Variants in SLC2A10 observed in about 807,000 individuals in gnomAD.
SLC2A10 encodes the protein solute carrier family 2 member 10.
SLC2A10 carries 25 observed loss-of-function variants against 32.1 expected under a neutral mutation model. The observed-to-expected ratio is 0.78, with a 90% CI of 0.57 to 1.09. The LOEUF (loss-of-function observed/expected upper bound fraction) is 1.09, where lower values mean the gene tolerates loss of function less well. Among genes scored for constraint, SLC2A10 ranks in the 50% least tolerant of loss-of-function variants. SLC2A10 has a pLI of 0.00. For missense variants in SLC2A10, 673 were observed against 686.5 expected, an observed-to-expected ratio of 0.98 and a Z score of 0.22; for synonymous variants, 332 against 309.6, an observed-to-expected ratio of 1.07 and a Z score of -0.76.
chr20:46,721,292 G>A (rs1020847845), intron 1 of SLC2A10, among the ~76,000 whole-genome samples: 1 of 152,128 alleles, frequency 6.6e-6, no homozygotes, highest in Non-Finnish European at 1.5e-5. Context: ...CCCAAAAAGG[G>A]CAAGTGACTG....
rs1979941726 is a variant in SLC2A10 at position 46,726,212 on chromosome 20, C to T, written c.1176C>T (p.Ser392=). The T allele has an allele frequency of 6.2e-7, 1 of 1,614,108 alleles. No individual in the cohort carries two copies. Among genetic ancestry groups the T allele is most frequent in the Non-Finnish European group, 8.5e-7 (1 of 1,180,046 alleles). The change falls in exon 2 of 5, where the codon AGC becomes AGT. Residue 392 remains serine, a synonymous_variant. Transcript: ENST00000359271. ...DPSAPPRLAL[S]SALPGPPLPA... ...CAGCCCCTCCTCGGCTGGCCCTGAG[C>T]TCTGCCCTCCCTGGGCCCCCTCTGC...
chr20:46,728,460 G>A (rs112555603), intron 3 of SLC2A10, among the ~76,000 whole-genome samples: 22 of 152,208 alleles, frequency 1.4e-4, no homozygotes, highest in South Asian at 8.3e-4. Flanking sequence ...GAGACCCACC[G>A]GAGGCTCTAG....
chr20:46,725,153 C>G lies in SLC2A10; in HGVS notation c.117C>G (p.Asp39Glu). 6.2e-7 allele frequency: 1 copy of G among 1,614,196 alleles called. No homozygotes were observed. The highest frequency in any genetic ancestry group is 8.5e-7 in the Non-Finnish European group (1 of 1,180,034). Reference protein sequence around the residue: ...ISGALLPLQLDFGLSCLEQEF... With the variant: ...ISGALLPLQLEFGLSCLEQEF... ...GTGCCCTGCTGCCACTGCAGCTTGA[C>G]TTTGGGCTAAGCTGCTTGGAGCAGG... Residue 39 changes from aspartate (D) to glutamate (E), a missense_variant, in exon 2 of 5, where the codon GAC (aspartate) becomes GAG (glutamate). Coordinates refer to ENST00000359271, the MANE Select transcript of SLC2A10 (RefSeq NM_030777.4).
intron 3 of SLC2A10, among the ~76,000 whole-genome samples, chr20:46,727,226 G>C (rs1366237068): frequency 2.0e-5 from 3 of 152,208 alleles, no homozygotes; most frequent in African/African-American, 4.8e-5. Flanking sequence ...CAACCGGCAG[G>C]AGTAAGAGTA....
chr20:46,708,453 C>T (rs1034382104), upstream of SLC2A10, among the ~76,000 whole-genome samples: 6 of 152,192 alleles, frequency 3.9e-5, no homozygotes, highest in Non-Finnish European at 8.8e-5. Context: ...AACTGCCCAC[C>T]TATTTCCACG....
At chr20:46,721,292 G>T (rs1020847845) in intron 1 of SLC2A10, among the ~76,000 whole-genome samples, 8 of 152,128 alleles carry the variant, frequency 5.3e-5, no homozygotes, top group Non-Finnish European at 1.2e-4. Context: ...CCCAAAAAGG[G>T]CAAGTGACTG....
chr20:46,709,585 T>C, upstream of SLC2A10: 1 of 986,070 alleles, frequency 1.0e-6, no homozygotes, highest in Non-Finnish European at 1.4e-6. Flanking sequence ...GACGTGGCGT[T>C]GGCGGCGCTG....
chr20:46,727,998 C>G (rs1048560849), intron 3 of SLC2A10, among the ~76,000 whole-genome samples: 3 of 152,134 alleles, frequency 2.0e-5, no homozygotes, highest in African/African-American at 7.2e-5. Context: ...CTTAGGGAAT[C>G]CAAGCTTCTC....
chr20:46,732,052 C>G (rs1393567868), intron 4 of SLC2A10, among the ~76,000 whole-genome samples: 1 of 152,214 alleles, frequency 6.6e-6, no homozygotes, highest in Non-Finnish European at 1.5e-5. Context: ...AGCCGTCACC[C>G]ACTGCTGTAG....
chr20:46,709,552 C>G (rs1289062254), upstream of SLC2A10: 2 of 685,296 alleles, frequency 2.9e-6, no homozygotes, highest in African/African-American at 3.9e-5. Flanking sequence ...GTCCCGCCTC[C>G]AGGCCTCGGG....
chr20:46,709,676 C>A lies in SLC2A10; in HGVS notation c.-61C>A. The A allele has an allele frequency of 6.5e-7, 1 of 1,532,170 alleles. No individual in the cohort carries two copies. Among genetic ancestry groups the A allele is most frequent in the East Asian group, 2.6e-5 (1 of 39,102 alleles). The allele number at this position is 1,532,170 out of a possible 1,614,324, so 94.9% of individuals were successfully genotyped here. A position where few individuals can be genotyped will look rare whatever the true frequency, so the allele number is the denominator to read the frequency against. On this transcript the variant is annotated 5_prime_UTR_variant, in exon 1 of 5. Transcript: ENST00000359271. ...CCGGCGGCAGCGGCGTTGGGGACTC[C>A]GGCGGGGGATGCGCGCCCGGCCCCT...
intron 1 of SLC2A10, among the ~76,000 whole-genome samples, chr20:46,724,627 TTGGATGGATGGATGGA>T (rs112083429): frequency 1.3e-4 from 18 of 134,956 alleles, no homozygotes; most frequent in East Asian, 2.3e-4. Context: ...TGGATGGTGG[TTGGATGGATGGATGGA>T]TGGATGGATG....
At chr20:46,714,813 G>A (rs1436429019) in intron 1 of SLC2A10, among the ~76,000 whole-genome samples, 1 of 152,112 alleles carries the variant, frequency 6.6e-6, no homozygotes, top group African/African-American at 2.4e-5. Flanking sequence ...TCTTCCTAAT[G>A]GCTCCAACTC....
Position 46,733,992 on chromosome 20 carries a change from G to A in SLC2A10, c.*158G>A. The stretch of plus-strand genomic sequence containing the variant: ...TTTTGCTGGGGTAAAAAGGATGAAA[G>A]TCTGAGAATGCCCAACTCTTCATTT... On this transcript the variant is annotated 3_prime_UTR_variant, in exon 5 of 5. Coordinates refer to ENST00000359271, the MANE Select transcript of SLC2A10 (RefSeq NM_030777.4). 1.4e-6 allele frequency: 1 copy of A among 710,574 alleles called. No individual in the cohort carries two copies. The highest frequency in any genetic ancestry group is 2.5e-6 in the Non-Finnish European group (1 of 398,054). 44.0% of individuals were successfully genotyped at this position (710,574 alleles called of 1,614,324 possible).
intron 4 of SLC2A10, among the ~76,000 whole-genome samples, chr20:46,730,884 G>A (rs1464101269): frequency 2.0e-5 from 3 of 152,174 alleles, no homozygotes; most frequent in Non-Finnish European, 4.4e-5. Flanking sequence ...TGCCCATTCT[G>A]TTTCTGGGAA....
In SLC2A10 at chr20:46,733,828, C is replaced by T. The variant is rs6094446; in HGVS notation, c.1620C>T (p.Ala540=). 1.2e-6 allele frequency: 2 copies of T among 1,614,120 alleles called. No individual in the cohort carries two copies. Among genetic ancestry groups the T allele is most frequent in the Non-Finnish European group, 1.7e-6 (2 of 1,179,966 alleles). Reference sequence around the variant, plus strand: ...ACAGCCGCATCGAGATCTCTGCGGCCTCCTGAGGAATCCGTCTGCCTGGAA... The same window carrying T: ...ACAGCCGCATCGAGATCTCTGCGGCTTCCTGAGGAATCCGTCTGCCTGGAA... ...IPYSRIEISA[A]S is the part of the protein sequence containing the mutation. Residue 540 remains alanine (A), a synonymous_variant, in exon 5 of 5, where the codon GCC becomes GCT. Coordinates refer to ENST00000359271, the MANE Select transcript of SLC2A10 (RefSeq NM_030777.4).
intron 3 of SLC2A10, among the ~76,000 whole-genome samples, chr20:46,727,847 T>C (rs1447673246): frequency 6.6e-6 from 1 of 152,168 alleles, no homozygotes; most frequent in African/African-American, 2.4e-5. Flanking sequence ...GCACAGTTCT[T>C]AGGGTTCAGT....
rs1337888457 is a variant in SLC2A10, at chr20:46,725,255, C to T, written c.219C>T (p.Gly73=). The change falls in exon 2 of 5, where the codon GGC becomes GGT. Residue 73 remains glycine, a synonymous_variant. Transcript: ENST00000359271. ...LVGGFLIDCY[G]RKQAILGSNL... ...GTGGCTTCCTCATTGACTGCTATGG[C>T]AGGAAGCAAGCCATCCTCGGGAGCA... is the stretch of plus-strand genomic sequence containing the variant. 3.1e-6 allele frequency: 5 copies of T among 1,614,166 alleles called. No homozygotes were observed. The highest frequency in any genetic ancestry group is 4.2e-6 in the Non-Finnish European group (5 of 1,180,028).
intron 4 of SLC2A10, 112 bp downstream of exon 4, chr20:46,729,600 C>G: frequency 5.8e-6 from 5 of 855,644 alleles, no homozygotes; most frequent in Non-Finnish European, 9.1e-6. Context: ...TTCCTCCTGT[C>G]TTCCTTATTG....
Sources: gnomAD v4.1 joint callset for allele counts (sites outside exome capture counted in the v4.1 genomes callset) on GRCh38, gnomAD v4.1.1 for gene constraint, MANE v1.5 for transcripts, NCBI Gene and HGNC (gene_info 2026-07-23, HGNC 2026-07-21) for gene names.